BTBD9: variants seen among roughly 807,000 people sequenced by gnomAD.
The protein encoded by BTBD9 is BTB/POZ domain-containing protein 9.
Under a neutral mutation model 64.3 loss-of-function variants are expected in BTBD9, and 49 were observed. The observed-to-expected ratio is 0.76, with a 90% CI of 0.61 to 0.97. The LOEUF is 0.97. Ranked by LOEUF, BTBD9 falls within the 50% of genes least tolerant of loss-of-function variation. BTBD9 has a pLI of 0.00. For missense variants in BTBD9, 598 were observed against 762.1 expected (o/e 0.78, Z 2.53); for synonymous variants, 260 against 274.7 (o/e 0.95, Z 0.53).
intron 9 of BTBD9, among the ~76,000 whole-genome samples, chr6:38,238,250 G>A (rs1418961528): frequency 6.6e-6 from 1 of 152,206 alleles, no homozygotes; most frequent in Non-Finnish European, 1.5e-5. Flanking sequence ...AAGTGCTCAA[G>A]GTGGTCATTT....
At chr6:38,326,878 G>T (rs1296482741) in intron 7 of BTBD9, among the ~76,000 whole-genome samples, 1 of 151,996 alleles carries the variant, frequency 6.6e-6, no homozygotes, top group Non-Finnish European at 1.5e-5. Flanking sequence ...ATCAACTCAT[G>T]TTTGATATTT....
At chr6:38,492,539 A>T (rs1255027621) in intron 6 of BTBD9, among the ~76,000 whole-genome samples, 1 of 152,216 alleles carries the variant, frequency 6.6e-6, no homozygotes, top group Non-Finnish European at 1.5e-5. Flanking sequence ...AACTTACATC[A>T]TCCTCTCATT....
intron 10 of BTBD9, among the ~76,000 whole-genome samples, chr6:38,176,682 G>A (rs1761269332): frequency 6.6e-6 from 1 of 152,186 alleles, no homozygotes; most frequent in African/African-American, 2.4e-5. Context: ...CTTATGTGGA[G>A]ATCTGAACAC....
At chr6:38,349,721 T>A (rs1213181729) in intron 6 of BTBD9, among the ~76,000 whole-genome samples, 1 of 152,028 alleles carries the variant, frequency 6.6e-6, no homozygotes, top group Non-Finnish European at 1.5e-5. Flanking sequence ...GGGATTACTG[T>A]ATTACTGACT....
chr6:38,499,069 T>C (rs1772082110), intron 6 of BTBD9, among the ~76,000 whole-genome samples: 1 of 152,156 alleles, frequency 6.6e-6, no homozygotes, highest in African/African-American at 2.4e-5. Context: ...GCTGAGCCTA[T>C]TTTCGTCCGC....
chr6:38,281,033 G>A (rs762212346), intron 8 of BTBD9, among the ~76,000 whole-genome samples: 1 of 152,184 alleles, frequency 6.6e-6, no homozygotes, highest in Non-Finnish European at 1.5e-5. Flanking sequence ...ACTAGAGATT[G>A]AGTGCAGCAC....
chr6:38,187,810 G>T (rs1761882856), intron 10 of BTBD9, among the ~76,000 whole-genome samples: 1 of 152,226 alleles, frequency 6.6e-6, no homozygotes, highest in African/African-American at 2.4e-5. Context: ...CGTTGCTGCG[G>T]TGCTCACAAA....
chr6:38,607,121 A>G (rs1217074635), intron 1 of BTBD9, among the ~76,000 whole-genome samples: 1 of 152,192 alleles, frequency 6.6e-6, no homozygotes, highest in Non-Finnish European at 1.5e-5. Context: ...GTACTTTGCT[A>G]ATACAAAGAG....
intron 10 of BTBD9, among the ~76,000 whole-genome samples, chr6:38,189,719 G>T (rs914568559): frequency 6.6e-6 from 1 of 151,924 alleles, no homozygotes; most frequent in African/African-American, 2.4e-5. Context: ...TGTTGCCGAG[G>T]CTGGAGTGCA....
At chr6:38,472,252 T>C (rs945553017) in intron 6 of BTBD9, among the ~76,000 whole-genome samples, 1 of 152,176 alleles carries the variant, frequency 6.6e-6, no homozygotes. Context: ...ATATAACATA[T>C]TTTTAGCATA....
chr6:38,212,697 C>T (rs1487075293), intron 9 of BTBD9, among the ~76,000 whole-genome samples: 1 of 152,158 alleles, frequency 6.6e-6, no homozygotes, highest in African/African-American at 2.4e-5. Context: ...TTCCTGCCCC[C>T]AGAAAACACA....
chr6:38,276,906 C>T (rs1014444214), intron 8 of BTBD9, among the ~76,000 whole-genome samples: 1 of 151,996 alleles, frequency 6.6e-6, no homozygotes, highest in Non-Finnish European at 1.5e-5. Context: ...GTAGGTATGC[C>T]GTAAAATTTC....
chr6:38,203,980 C>T (rs746342254), intron 9 of BTBD9, among the ~76,000 whole-genome samples: 1 of 152,072 alleles, frequency 6.6e-6, no homozygotes, highest in Non-Finnish European at 1.5e-5. Flanking sequence ...GGTCATTACA[C>T]ATTCTATGCA....
At chr6:38,332,010 G>A (rs780097525) in intron 7 of BTBD9, among the ~76,000 whole-genome samples, 2 of 152,078 alleles carry the variant, frequency 1.3e-5, no homozygotes, top group Non-Finnish European at 1.5e-5. Context: ...ATTTTGTTTC[G>A]ATAAGCACTT....
chr6:38,385,545 TTTA>T (rs1233078809), intron 6 of BTBD9, among the ~76,000 whole-genome samples: 1 of 152,118 alleles, frequency 6.6e-6, no homozygotes, highest in African/African-American at 2.4e-5. Flanking sequence ...TGAATGTATA[TTTA>T]TTATTGCAAG....
At chr6:38,592,487 C>T in intron 4 of BTBD9, 89 bp downstream of exon 4, 1 of 1,422,950 alleles carries the variant, frequency 7.0e-7, no homozygotes, top group Non-Finnish European at 9.7e-7. Context: ...TACACCTGCA[C>T]TACACGGTTC....
intron 6 of BTBD9, among the ~76,000 whole-genome samples, chr6:38,364,371 T>TG (rs1198845114): frequency 2.0e-5 from 3 of 152,228 alleles, no homozygotes; most frequent in Non-Finnish European, 4.4e-5. Flanking sequence ...GTGATGATGA[T>TG]GTCATCATGC....
chr6:38,478,923 T>C (rs1771010310), intron 6 of BTBD9, among the ~76,000 whole-genome samples: 1 of 152,228 alleles, frequency 6.6e-6, no homozygotes, highest in South Asian at 2.1e-4. Flanking sequence ...ACAATCTGTG[T>C]TCTCTTTGGT....
chr6:38,269,858 C>A (rs115227072), intron 8 of BTBD9, among the ~76,000 whole-genome samples: 1 of 152,114 alleles, frequency 6.6e-6, no homozygotes. Flanking sequence ...TCCCAGGTGC[C>A]GACATGAATA....
Sources: allele counts gnomAD v4.1 joint callset (sites outside exome capture counted in the v4.1 genomes callset), GRCh38; gene constraint gnomAD v4.1.1; transcripts MANE v1.5; gene names NCBI Gene and HGNC (gene_info 2026-07-23, HGNC 2026-07-21).